NTRK3: variants seen among roughly 807,000 people sequenced by gnomAD.
NTRK3 encodes NT-3 growth factor receptor.
A neutral mutation model predicts 91.7 loss-of-function variants in NTRK3; 24 were observed. The observed-to-expected ratio is 0.26, with a 90% CI of 0.19 to 0.37. The LOEUF (loss-of-function observed/expected upper bound fraction) is 0.37, where lower values mean the gene tolerates loss of function less well. Ranked by LOEUF, NTRK3 falls within the 10% of genes least tolerant of loss-of-function variation. NTRK3 has a pLI of 1.00. For missense variants in NTRK3, 880 were observed against 1,068.9 expected, an observed-to-expected ratio of 0.82 and a Z score of 2.46; for synonymous variants, 483 against 404.0, an observed-to-expected ratio of 1.20 and a Z score of -2.34.
chr15:88,130,404 T>C (rs1327959049), intron 10 of NTRK3, among the ~76,000 whole-genome samples: 1 of 151,368 alleles, frequency 6.6e-6, no homozygotes, highest in Non-Finnish European at 1.5e-5. Flanking sequence ...AATGTTAGAG[T>C]GTGAAAGAAG....
At chr15:88,126,277 T>A in exon 13 of NTRK3, 15 of 1,612,284 alleles carry the variant, frequency 9.3e-6, no homozygotes, top group Non-Finnish European at 1.3e-5. Context: ...TTACCCTTCA[T>A]TCCAAATTTG....
intron 13 of NTRK3, among the ~76,000 whole-genome samples, chr15:88,037,978 C>T (rs1239360450): frequency 6.6e-6 from 1 of 152,196 alleles, no homozygotes; most frequent in Non-Finnish European, 1.5e-5. Context: ...GGCTCCGGAG[C>T]CTGTGCTCAT....
At chr15:88,082,733 G>C (rs899425581) in intron 13 of NTRK3, among the ~76,000 whole-genome samples, 1 of 152,212 alleles carries the variant, frequency 6.6e-6, no homozygotes, top group Non-Finnish European at 1.5e-5. Context: ...TAATAGGCTT[G>C]CAGAGTGTGT....
At chr15:87,995,910 CA>C (rs1482859133) in intron 14 of NTRK3, among the ~76,000 whole-genome samples, 2 of 152,142 alleles carry the variant, frequency 1.3e-5, no homozygotes, top group African/African-American at 2.4e-5. Context: ...TCACGTGTTA[CA>C]AAAGATGATT....
intron 3 of NTRK3, among the ~76,000 whole-genome samples, chr15:88,254,343 T>C (rs920203537): frequency 6.6e-6 from 1 of 152,058 alleles, no homozygotes; most frequent in East Asian, 1.9e-4. Context: ...AGAGGCACAG[T>C]TGGGTCTGTC....
At chr15:88,028,751 C>T (rs1004622453) in intron 14 of NTRK3, among the ~76,000 whole-genome samples, 1 of 152,182 alleles carries the variant, frequency 6.6e-6, no homozygotes, top group Non-Finnish European at 1.5e-5. Flanking sequence ...GCAGTTGCCT[C>T]TCCCCAGATG....
intron 17 of NTRK3, among the ~76,000 whole-genome samples, chr15:87,883,999 G>T (rs1307115966): frequency 1.1e-5 from 1 of 93,130 alleles, no homozygotes; most frequent in Non-Finnish European, 2.5e-5. Flanking sequence ...AAAAAAAAAA[G>T]GCAGTAAAGA....
intron 13 of NTRK3, among the ~76,000 whole-genome samples, chr15:88,061,548 G>A (rs1438098122): frequency 6.6e-6 from 1 of 152,246 alleles, no homozygotes. Context: ...GAGCAGAGTG[G>A]CAGCCGGAAC....
exon 16 of NTRK3, chr15:87,933,092 G>A (rs2141955616): frequency 6.2e-7 from 1 of 1,614,072 alleles, no homozygotes; most frequent in South Asian, 1.1e-5. Flanking sequence ...ACACTCCATA[G>A]AACTTGACAA....
At chr15:88,080,457 A>G (rs948393115) in intron 13 of NTRK3, among the ~76,000 whole-genome samples, 1 of 152,212 alleles carries the variant, frequency 6.6e-6, no homozygotes, top group African/African-American at 2.4e-5. Flanking sequence ...ACTTAAGCTG[A>G]ACAAATTTCC....
At chr15:88,058,262 C>A (rs1316825262) in intron 13 of NTRK3, among the ~76,000 whole-genome samples, 1 of 152,178 alleles carries the variant, frequency 6.6e-6, no homozygotes, top group African/African-American at 2.4e-5. Flanking sequence ...GAGTTCAAAT[C>A]CCACTTTCTC....
exon 13 of NTRK3, chr15:88,126,357 C>A (rs778263161): frequency 1.2e-6 from 2 of 1,613,464 alleles, no homozygotes; most frequent in Non-Finnish European, 1.7e-6. Flanking sequence ...AGCAGCAAGT[C>A]CAACTGCTAT....
At chr15:88,170,808 C>T (rs1478359307) in intron 5 of NTRK3, among the ~76,000 whole-genome samples, 1 of 152,160 alleles carries the variant, frequency 6.6e-6, no homozygotes, top group Non-Finnish European at 1.5e-5. Flanking sequence ...CTGAACGACT[C>T]CCCTAAGCCC....
At position 87,883,125 on chromosome 15, in the gene NTRK3, A is replaced by C. The variant is rs1013370606; in HGVS notation, c.2134-2697T>G. Among the ~76,000 whole-genome samples the C allele has an allele frequency of 2.6e-5, 4 of 151,478 alleles. No homozygotes were observed. In the South Asian group the frequency reaches 8.3e-4, roughly 31 times the overall value. ...TATGTGCATATACATGTATATATAT[A>C]TATGCATATACAGATATATATAGCC... On this transcript the variant is annotated intron_variant, in intron 17 of 18. Transcript: ENST00000394480.
exon 19 of NTRK3, chr15:87,872,189 T>C (rs1414487868): frequency 9.1e-6 from 2 of 220,466 alleles, no homozygotes; most frequent in African/African-American, 2.2e-5. Flanking sequence ...GCAGGTGGGT[T>C]CATTCAACAA....
intron 14 of NTRK3, among the ~76,000 whole-genome samples, chr15:88,017,640 C>T (rs1483392940): frequency 1.3e-5 from 2 of 152,036 alleles, no homozygotes; most frequent in African/African-American, 2.4e-5. Flanking sequence ...GACCATCCCA[C>T]CCCTAGCCAC....
chr15:88,062,094 T>C (rs1374169554), intron 13 of NTRK3, among the ~76,000 whole-genome samples: 1 of 152,196 alleles, frequency 6.6e-6, no homozygotes, highest in Non-Finnish European at 1.5e-5. Context: ...TTATACATAA[T>C]CTAGAGATGA....
intron 13 of NTRK3, among the ~76,000 whole-genome samples, chr15:88,074,710 C>T (rs1281829652): frequency 2.6e-5 from 4 of 152,184 alleles, no homozygotes; most frequent in Non-Finnish European, 5.9e-5. Context: ...TCTCTCTTTT[C>T]CTGGACCATC....
At chr15:88,129,449 A>C (rs2053602624) in intron 10 of NTRK3, among the ~76,000 whole-genome samples, 1 of 152,204 alleles carries the variant, frequency 6.6e-6, no homozygotes, top group Non-Finnish European at 1.5e-5. Flanking sequence ...AACTAATTGG[A>C]TGTCACTCAT....
Sources: gnomAD v4.1 joint callset for allele counts (sites outside exome capture counted in the v4.1 genomes callset) on GRCh38, gnomAD v4.1.1 for gene constraint, MANE v1.5 for transcripts, NCBI Gene and HGNC (gene_info 2026-07-23, HGNC 2026-07-21) for gene names.